ZNF318: variants seen among roughly 807,000 people sequenced by gnomAD.
ZNF318 encodes the protein endocrine regulator.
ZNF318 carries 51 observed loss-of-function variants against 124.2 expected under a neutral mutation model. That is an observed-to-expected ratio of 0.41 (90% confidence interval 0.33 to 0.52). The LOEUF (loss-of-function observed/expected upper bound fraction) is 0.52, where lower values mean the gene tolerates loss of function less well. ZNF318 is among the 20% of genes least tolerant of loss of function. The probability of loss-of-function intolerance (pLI) is 0.23; values close to 1 mark genes in which losing one functional copy is unlikely to be tolerated. For missense variants in ZNF318, 2,815 were observed against 2,811.2 expected, an observed-to-expected ratio of 1.00 and a Z score of -0.03; for synonymous variants, 1,090 against 1,040.7, an observed-to-expected ratio of 1.05 and a Z score of -0.91.
rs749091095 is a variant in ZNF318 at position 43,352,480 on chromosome 6, C to T, written c.2671-4G>A. ...GTTTTTCCCTCTCTTCAATAACCTG[C>T]AAAATACAAAGTGGTAAGAGAGTCC... On this transcript the variant is annotated splice_polypyrimidine_tract_variant and splice_region_variant and intron_variant, in intron 4 of 9. Coordinates refer to ENST00000361428, the MANE Select transcript of ZNF318 (RefSeq NM_014345.3). 11 of 1,612,948 alleles carry T rather than the reference C, an allele frequency of 6.8e-6. No individual in the cohort carries two copies. The highest frequency in any genetic ancestry group is 8.5e-6 in the Non-Finnish European group (10 of 1,179,130).
rs1262653509 is a variant in ZNF318 at position 43,357,400 on chromosome 6, C to A, written c.914G>T (p.Ser305Ile). Residue 305 changes from serine (S) to isoleucine (I), a missense_variant, in exon 3 of 10, where the codon AGC becomes ATC. Ser to Ile is a moderately radical substitution (Grantham distance 142). Transcript: ENST00000361428. ...GTRNYRQRRRSPSPRFLDPEF... is the reference protein window; with the variant it reads ...GTRNYRQRRRIPSPRFLDPEF... ...AGGGTCGAGAAACCTAGGACTTGGG[C>A]TTCTTCTACGCTGTCGATAGTTGCG... The A allele has an allele frequency of 4.3e-6, 7 of 1,613,974 alleles. No homozygotes were observed. The African/African-American group carries it at 9.3e-5, about 22-fold the overall frequency.
chr6:43,363,926 G>T, intron 2 of ZNF318: 1 of 675,010 alleles, frequency 1.5e-6, no homozygotes, highest in Admixed American at 2.2e-5. Flanking sequence ...GGCTACTGGG[G>T]GAACAAGATC....
intron 1 of ZNF318, 191 bp downstream of exon 1, chr6:43,368,776 C>T (rs535003273): frequency 1.0e-6 from 1 of 985,424 alleles, no homozygotes; most frequent in African/African-American, 1.7e-5. Context: ...CGCCCGTGCG[C>T]TCCCGAGTCC....
At chr6:43,354,512 G>C in intron 4 of ZNF318, 152 bp downstream of exon 4, 1 of 685,842 alleles carries the variant, frequency 1.5e-6, no homozygotes, top group African/African-American at 1.8e-5. Flanking sequence ...AAAAACAGAG[G>C]AACAATATAC....
chr6:43,351,254 A>G (rs140937237), intron 5 of ZNF318, among the ~76,000 whole-genome samples: 1 of 152,364 alleles, frequency 6.6e-6, no homozygotes, highest in Non-Finnish European at 1.5e-5. Context: ...TGAAAACTGA[A>G]TGTGATAAAT....
intron 5 of ZNF318, among the ~76,000 whole-genome samples, chr6:43,349,934 A>G (rs1779503070): frequency 6.6e-6 from 1 of 151,840 alleles, no homozygotes; most frequent in Admixed American, 6.6e-5. Flanking sequence ...GAACAACAGA[A>G]TGAGACCCTG....
Position 43,339,282 on chromosome 6 carries a change from G to A in ZNF318, c.4716C>T (p.Phe1572=), listed in dbSNP as rs749868805. 1 of 1,614,158 alleles carries A rather than the reference G, an allele frequency of 6.2e-7. No individual in the cohort carries two copies. The highest frequency in any genetic ancestry group is 1.7e-5 in the Admixed American group (1 of 60,024). ...TANAKDLYDI[F]YSSGGKGAPE... ...GGGCCCCCTTTCCACCACTACTATAGAATATGTCATACAGGTCCTTAGCAT... is the reference window on the plus strand; with the variant it reads ...GGGCCCCCTTTCCACCACTACTATAAAATATGTCATACAGGTCCTTAGCAT... The change falls in exon 10 of 10, where the codon TTC becomes TTT. Residue 1572 remains phenylalanine (F), a synonymous_variant. Transcript: ENST00000361428. The surrounding 1 kb of genome is among the most constrained non-coding windows in gnomAD (Gnocchi z 4.2).
Position 43,348,495 on chromosome 6 carries a change from T to C in ZNF318, c.2901A>G (p.Glu967=), listed in dbSNP as rs180694285. ...CTTTGTCCAGTTCAGATTGCTTCTTTTCTGCCTCTTCTGCCTCTTGCCGTA... is the reference window on the plus strand; with the variant it reads ...CTTTGTCCAGTTCAGATTGCTTCTTCTCTGCCTCTTCTGCCTCTTGCCGTA... The part of the protein sequence containing the change: ...AELRQEAEEA[E]KKQSELDKVA... Residue 967 remains glutamate, a synonymous_variant, in exon 6 of 10, where the codon GAA becomes GAG. Transcript: ENST00000361428. The C allele has an allele frequency of 3.0e-5, 48 of 1,614,174 alleles. No individual in the cohort carries two copies. Among genetic ancestry groups the C allele is most frequent in the Admixed American group, 5.0e-5 (3 of 60,018 alleles).
intron 6 of ZNF318, among the ~76,000 whole-genome samples, chr6:43,345,359 T>C (rs1447914121): frequency 6.6e-6 from 1 of 151,860 alleles, no homozygotes; most frequent in East Asian, 1.9e-4. Flanking sequence ...AAACCAACTA[T>C]ACATTTTAAA....
chr6:43,359,893 T>C (rs1266638301), intron 2 of ZNF318, among the ~76,000 whole-genome samples: 1 of 152,204 alleles, frequency 6.6e-6, no homozygotes, highest in Non-Finnish European at 1.5e-5. Flanking sequence ...TAAATGGGAA[T>C]AAACCAAGGA....
chr6:43,338,418 G>C lies in ZNF318; in HGVS notation c.5580C>G (p.Cys1860Trp). 6.2e-7 allele frequency: 1 copy of C among 1,614,200 alleles called. No individual in the cohort carries two copies. The highest frequency in any genetic ancestry group is 8.5e-7 in the Non-Finnish European group (1 of 1,180,032). ...KVVIKLSPQA[C>W]SFTKAKLDSF... ...AGTCTAATTTTGCCTTTGTGAAAGA[G>C]CAAGCCTGTGGACTCAATTTGATCA... Residue 1860 changes from cysteine to tryptophan, a missense_variant, in exon 10 of 10, where the codon TGC becomes TGG. This residue lies in a region of ZNF318 where 927 missense variants were observed against 820.6 expected (regional missense o/e 1.13). Coordinates refer to ENST00000361428, the MANE Select transcript of ZNF318 (RefSeq NM_014345.3).
In ZNF318 at chr6:43,355,360, G is replaced by A. The variant is rs1359960982; in HGVS notation, c.1974C>T (p.Ser658=). 1 of 1,614,154 alleles carries A rather than the reference G, an allele frequency of 6.2e-7. No individual in the cohort carries two copies. Among genetic ancestry groups the A allele is most frequent in the Non-Finnish European group, 8.5e-7 (1 of 1,180,034 alleles). Residue 658 remains serine (S), a synonymous_variant, in exon 4 of 10, where the codon TCC becomes TCT. Coordinates refer to ENST00000361428, the MANE Select transcript of ZNF318 (RefSeq NM_014345.3). ...VDHRFSADRC[S]SVDHCFSADR... is the part of the protein sequence containing the mutation. The stretch of plus-strand genomic sequence containing the variant: ...CAGCTGAGAAGCAGTGGTCAACTGA[G>A]GAACAGCGGTCAGCTGAGAAGCGGT...
At position 43,339,974 on chromosome 6, in the gene ZNF318, T is replaced by C. The variant is rs1365581865; in HGVS notation, c.4024A>G (p.Thr1342Ala). The C allele has an allele frequency of 7.4e-6, 12 of 1,614,020 alleles. No homozygotes were observed. Among genetic ancestry groups the C allele is most frequent in the East Asian group, 4.5e-5 (2 of 44,894 alleles). Residue 1342 changes from threonine to alanine, a missense_variant, in exon 10 of 10, where the codon ACT becomes GCT. By Grantham distance (58) the Thr-to-Ala change is moderately conservative (BLOSUM62 0). Transcript: ENST00000361428. This position sits in a 1 kb window ranked among gnomAD's most constrained non-coding sequence, Gnocchi z 4.2. ...HTSPWMPVVTTSTQTKIRPNL... is the reference protein window; with the variant it reads ...HTSPWMPVVTASTQTKIRPNL... ...GGTCGGATCTTAGTCTGTGTGGAAG[T>C]TGTCACAACAGGCATCCAAGGGCTG...
chr6:43,336,144 T>A lies in ZNF318; in HGVS notation c.*1014A>T, dbSNP rs1010164006. The A allele has an allele frequency of 6.6e-6, 1 of 152,632 alleles. No homozygotes were observed. The highest frequency in any genetic ancestry group is 1.5e-5 in the Non-Finnish European group (1 of 68,038). 9.5% of individuals were successfully genotyped at this position (152,632 alleles called of 1,614,324 possible). On this transcript the variant is annotated 3_prime_UTR_variant, in exon 10 of 10. Coordinates refer to ENST00000361428, the MANE Select transcript of ZNF318 (RefSeq NM_014345.3). The stretch of plus-strand genomic sequence containing the variant: ...AAACTTGTCCAAGCCAACTCATAAA[T>A]TCTTTAATCTTTTTAACAAAATATA...
At chr6:43,364,258 G>T in intron 2 of ZNF318, 1 of 572,770 alleles carries the variant, frequency 1.7e-6, no homozygotes, top group Non-Finnish European at 3.1e-6. Context: ...GAGTCTCTGT[G>T]CAGAGGACGT....
rs1230071086 is a variant in ZNF318, at chr6:43,336,958, T to C, written c.*200A>G. On this transcript the variant is annotated 3_prime_UTR_variant, in exon 10 of 10. Transcript: ENST00000361428. ...ATATATATATATATATAAGTTGTTA[T>C]CGATTTGTCTGGTGTTTTAAGGGGA... 1 of 375,532 alleles carries C rather than the reference T, an allele frequency of 2.7e-6. No individual in the cohort carries two copies. Among genetic ancestry groups the C allele is most frequent in the Non-Finnish European group, 4.7e-6 (1 of 213,410 alleles). The allele number at this position is 375,532 out of a possible 1,614,324, so 23.3% of individuals were successfully genotyped here.
chr6:43,365,540 C>T, intron 1 of ZNF318, 100 bp from the exon 2 acceptor site: 2 of 1,248,140 alleles, frequency 1.6e-6, no homozygotes, highest in African/African-American at 1.5e-5. Context: ...GGCATGGTGG[C>T]TCATGCCTGT....
intron 3 of ZNF318, 118 bp from the exon 4 acceptor site, chr6:43,356,263 T>C (rs2150754873): frequency 9.2e-7 from 1 of 1,084,002 alleles, no homozygotes; most frequent in Non-Finnish European, 1.3e-6. Context: ...CAAGTATGGA[T>C]AAAAGGGAGG....
intron 1 of ZNF318, among the ~76,000 whole-genome samples, chr6:43,366,834 T>A (rs1297603787): frequency 6.6e-6 from 1 of 151,276 alleles, no homozygotes; most frequent in African/African-American, 2.4e-5. Context: ...AAACTGTAAC[T>A]CCCTTCTCTG....
Sources: allele counts gnomAD v4.1 joint callset (sites outside exome capture counted in the v4.1 genomes callset), GRCh38; gene constraint gnomAD v4.1.1; regional missense constraint gnomAD v4.1.1; non-coding constraint Gnocchi (gnomAD v3.1); transcripts MANE v1.5; gene names NCBI Gene and HGNC (gene_info 2026-07-23, HGNC 2026-07-21).